SLC27A3: variants seen among roughly 807,000 people sequenced by gnomAD.
The protein encoded by SLC27A3 is long-chain fatty acid transport protein 3.
SLC27A3 carries 60 observed loss-of-function variants against 60.1 expected under a neutral mutation model. The observed-to-expected ratio is 1.00, with a 90% CI of 0.81 to 1.24. The LOEUF is 1.24. Among genes scored for constraint, SLC27A3 ranks in the 50% most tolerant of loss-of-function variants. The pLI, the probability that SLC27A3 is intolerant of heterozygous loss-of-function variation, is 0.00. For missense variants in SLC27A3, 1,079 were observed against 929.9 expected, an observed-to-expected ratio of 1.16 and a Z score of -2.09; for synonymous variants, 455 against 409.0, an observed-to-expected ratio of 1.11 and a Z score of -1.36.
chr1:153,778,626 G>C (rs1343509775), intron 6 of SLC27A3, 61 bp from the exon 7 acceptor site: 1 of 1,609,156 alleles, frequency 6.2e-7, no homozygotes, highest in Non-Finnish European at 8.5e-7. Context: ...AGACTGGGGT[G>C]GATGGGGGCA....
At position 153,779,360 on chromosome 1, in the gene SLC27A3, G is replaced by A. The variant is rs1420372320; in HGVS notation, c.1762G>A (p.Gly588Arg). 6.2e-7 allele frequency: 1 copy of A among 1,614,048 alleles called. No individual in the cohort carries two copies. Among genetic ancestry groups the A allele is most frequent in the Admixed American group, 1.7e-5 (1 of 60,006 alleles). The change falls in exon 9 of 10, where the codon GGA becomes AGA. Residue 588 changes from glycine to arginine, a missense_variant. Coordinates refer to ENST00000624995, the MANE Select transcript of SLC27A3 (RefSeq NM_024330.4). ...CCCACCAGGGCATGAAGGCAGGGCT[G>A]GAATGGCAGCCCTAGTTCTGCGTCC... Reference protein sequence around the residue: ...VTVPGHEGRAGMAALVLRPPH... With the variant: ...VTVPGHEGRARMAALVLRPPH...
intron 1 of SLC27A3, 160 bp downstream of exon 1, chr1:153,776,324 A>C: frequency 2.9e-6 from 4 of 1,396,146 alleles, no homozygotes; most frequent in Non-Finnish European, 3.8e-6. Context: ...GGGTTTGAGA[A>C]GGGATGAGGC....
At chr1:153,777,667 T>C in intron 3 of SLC27A3, 94 bp from the exon 4 acceptor site, 1 of 1,484,230 alleles carries the variant, frequency 6.7e-7, no homozygotes, top group Admixed American at 1.8e-5. Flanking sequence ...AGGGAAAGAC[T>C]ACAGTGATGG....
At chr1:153,777,381 C>T in intron 3 of SLC27A3, 161 bp downstream of exon 3, 1 of 856,934 alleles carries the variant, frequency 1.2e-6, no homozygotes. Flanking sequence ...CCTGCCTAGA[C>T]CTACAGACTG....
intron 2 of SLC27A3, 87 bp downstream of exon 2, chr1:153,776,814 C>T (rs1673256711): frequency 7.7e-7 from 1 of 1,296,142 alleles, no homozygotes; most frequent in Admixed American, 2.0e-5. Context: ...TCAAAGCCCC[C>T]AGAGAGGATG....
intron 4 of SLC27A3, 67 bp downstream of exon 4, chr1:153,777,952 G>A (rs746603321): frequency 6.2e-7 from 1 of 1,603,316 alleles, no homozygotes; most frequent in Non-Finnish European, 8.5e-7. Context: ...CAGGACAGTT[G>A]ACAGGAGACA....
rs560515807 is a variant in SLC27A3 at position 153,777,533 on chromosome 1, C to A, written c.1037-228C>A. 9 of 625,334 alleles carry A rather than the reference C, an allele frequency of 1.4e-5. No individual in the cohort carries two copies. In the African/African-American group the frequency reaches 1.7e-4, roughly 12 times the overall value. The allele number at this position is 625,334 out of a possible 1,614,324, so 38.7% of individuals were successfully genotyped here. On this transcript the variant is annotated intron_variant, in intron 3 of 9. Transcript: ENST00000624995. The stretch of plus-strand genomic sequence containing the variant: ...GAAGTGAGAGTGTGGAGGATGAGAT[C>A]TTTGGGGCTGGGAAGTAGGGAAAGG...
Position 153,778,210 on chromosome 1 carries a change from T to C in SLC27A3, c.1211T>C (p.Leu404Pro), listed in dbSNP as rs773954711. ...GTCCGGCTGGCAGTGGGCAGCGGGC[T>C]GCGCCCAGATACCTGGGAGCGTTTT... is the stretch of plus-strand genomic sequence containing the variant. Reference protein sequence around the residue: ...HKVRLAVGSGLRPDTWERFVR... With the variant: ...HKVRLAVGSGPRPDTWERFVR... The change falls in exon 5 of 10, where the codon CTG (leucine) becomes CCG (proline). Residue 404 changes from leucine to proline, a missense_variant. Coordinates refer to ENST00000624995, the MANE Select transcript of SLC27A3 (RefSeq NM_024330.4). 3 of 1,613,134 alleles carry C rather than the reference T, an allele frequency of 1.9e-6. No individual in the cohort carries two copies. The highest frequency in any genetic ancestry group is 1.1e-5 in the South Asian group (1 of 91,088).
At position 153,780,028 on chromosome 1, in the gene SLC27A3, G is replaced by GAGA; in HGVS notation, c.*27_*29dup. The GAGA allele has an allele frequency of 6.3e-7, 1 of 1,594,196 alleles. No individual in the cohort carries two copies. The highest frequency in any genetic ancestry group is 8.6e-7 in the Non-Finnish European group (1 of 1,169,048). Reference sequence around the variant, plus strand: ...GAACTTCCACACCTGAGGCACCTGAGAGAGGAACTCTGTGGGGTGGGGGCC... The same window carrying GAGA: ...GAACTTCCACACCTGAGGCACCTGAGAGAAGAGGAACTCTGTGGGGTGGGGGCC... On this transcript the variant is annotated 3_prime_UTR_variant, in exon 10 of 10. Coordinates refer to ENST00000624995, the MANE Select transcript of SLC27A3 (RefSeq NM_024330.4).
In SLC27A3 at chr1:153,779,423, G is replaced by A. The variant is rs374422194; in HGVS notation, c.1825G>A (p.Val609Met). ...ALDLMQLYTH[V>M]SENLPPYARP... is the part of the protein sequence containing the mutation. ...GGACCTTATGCAGCTCTACACCCAC[G>A]TGTCTGAGAACTTGCCACCTTATGC... Residue 609 changes from valine (V) to methionine (M), a missense_variant, in exon 9 of 10, where the codon GTG becomes ATG. Coordinates refer to ENST00000624995, the MANE Select transcript of SLC27A3 (RefSeq NM_024330.4). The A allele has an allele frequency of 2.0e-5, 32 of 1,613,782 alleles. No homozygotes were observed. The Middle Eastern group carries it at 9.9e-4, about 50-fold the overall frequency.
intron 4 of SLC27A3, 133 bp downstream of exon 4, chr1:153,778,018 G>C: frequency 1.4e-6 from 2 of 1,481,212 alleles, no homozygotes; most frequent in Non-Finnish European, 1.8e-6. Flanking sequence ...TAAGGAGCCA[G>C]AGATGGCCTA....
rs1312438754 is a variant in SLC27A3, at chr1:153,780,121, A to AT, written c.*120dup. The AT allele has an allele frequency of 2.3e-6, 2 of 883,718 alleles. No individual in the cohort carries two copies. The highest frequency in any genetic ancestry group is 3.4e-6 in the Non-Finnish European group (2 of 586,362). The allele number at this position is 883,718 out of a possible 1,614,324, so 54.7% of individuals were successfully genotyped here. On this transcript the variant is annotated 3_prime_UTR_variant, in exon 10 of 10. Coordinates refer to ENST00000624995, the MANE Select transcript of SLC27A3 (RefSeq NM_024330.4). ...AACTGCGGTCACTATTTTGTAATAAATGTGGCTGGAGCTGATCCAGCTGTC... is the reference window on the plus strand; with the variant it reads ...AACTGCGGTCACTATTTTGTAATAAATTGTGGCTGGAGCTGATCCAGCTGTC...
chr1:153,778,408 G>T, intron 5 of SLC27A3, 53 bp downstream of exon 5: 1 of 1,613,634 alleles, frequency 6.2e-7, no homozygotes, highest in Non-Finnish European at 8.5e-7. Flanking sequence ...GGGCTGGCAG[G>T]AGAGGGGGCT....
Position 153,778,447 on chromosome 1 carries a change from G to A in SLC27A3, c.1357-16G>A. 1 of 1,613,940 alleles carries A rather than the reference G, an allele frequency of 6.2e-7. No homozygotes were observed. The highest frequency in any genetic ancestry group is 8.5e-7 in the Non-Finnish European group (1 of 1,179,802). ...GTGACTGCAATGATCCAGTACCCAG[G>A]TCTCCCTTTCCCCAGCATATCTTCC... is the stretch of plus-strand genomic sequence containing the variant. On this transcript the variant is annotated splice_polypyrimidine_tract_variant and intron_variant, in intron 5 of 9. Transcript: ENST00000624995.
In SLC27A3 at chr1:153,776,500, G is replaced by T; in HGVS notation, c.668-18G>T. On this transcript the variant is annotated intron_variant, in intron 1 of 9. Transcript: ENST00000624995. Reference sequence around the variant, plus strand: ...GGTAGAGCCAGGGCCCCGGCGTTGTGCTTTCCCACCCTTCTAGAGTTTCTG... The same window carrying T: ...GGTAGAGCCAGGGCCCCGGCGTTGTTCTTTCCCACCCTTCTAGAGTTTCTG... The T allele has an allele frequency of 6.2e-7, 1 of 1,608,564 alleles. No homozygotes were observed.
rs778460293 is a variant in SLC27A3, at chr1:153,777,172, TACC to T, written c.991_993del (p.His331del). On this transcript the variant is annotated inframe_deletion, in exon 3 of 10. Coordinates refer to ENST00000624995, the MANE Select transcript of SLC27A3 (RefSeq NM_024330.4). ...TGTGATCTACCTCGCCCTCCCACTC[TACC>T]ACATGTCCGGTTCCCTGCTGGGCAT... 4 of 1,614,272 alleles carry T rather than the reference TACC, an allele frequency of 2.5e-6. No individual in the cohort carries two copies. The highest frequency in any genetic ancestry group is 3.4e-6 in the Non-Finnish European group (4 of 1,180,054).
At position 153,779,158 on chromosome 1, in the gene SLC27A3, T is replaced by C; in HGVS notation, c.1691T>C (p.Phe564Ser). ...NVATTEVAEV[F>S]EALDFLQEVN... ...GCCACAACCGAGGTGGCAGAGGTCT[T>C]CGAGGCCCTAGATTTTCTTCAGGAG... The change falls in exon 8 of 10, where the codon TTC becomes TCC. Residue 564 changes from phenylalanine to serine, a missense_variant. Phe to Ser is a radical substitution (Grantham distance 155, BLOSUM62 -2). Transcript: ENST00000624995. 4 of 1,614,146 alleles carry C rather than the reference T, an allele frequency of 2.5e-6. No individual in the cohort carries two copies. Among genetic ancestry groups the C allele is most frequent in the Middle Eastern group, 3.3e-4 (2 of 6,062 alleles).
chr1:153,775,576 C>A lies in SLC27A3; in HGVS notation c.79C>A (p.Arg27Ser). The A allele has an allele frequency of 1.2e-6, 2 of 1,608,186 alleles. No homozygotes were observed. The highest frequency in any genetic ancestry group is 1.7e-6 in the Non-Finnish European group (2 of 1,178,932). The change falls in exon 1 of 10, where the codon CGC becomes AGC. Residue 27 changes from arginine to serine, a missense_variant. Arg to Ser is a moderately radical substitution (Grantham distance 110). Transcript: ENST00000624995. ...LLKLHLWPQL[R>S]WLPADLAFAV... ...GAAGCTACACCTCTGGCCGCAGTTG[C>A]GCTGGCTTCCGGCGGACTTGGCCTT...
intron 5 of SLC27A3, 30 bp downstream of exon 5, chr1:153,778,385 GT>G: frequency 6.2e-7 from 1 of 1,613,858 alleles, no homozygotes; most frequent in Non-Finnish European, 8.5e-7. Flanking sequence ...CTGAAAACCC[GT>G]GGAACAGCAG....
Sources: gnomAD v4.1 joint callset for allele counts on GRCh38, gnomAD v4.1.1 for gene constraint, MANE v1.5 for transcripts, NCBI Gene and HGNC (gene_info 2026-07-23, HGNC 2026-07-21) for gene names.